The following SF3A1 variants were observed in gnomAD, a reference collection of about 807,000 sequenced individuals.
SF3A1 encodes splicing factor 3a subunit 1, also known as SAP 114.
Under a neutral mutation model 89.9 loss-of-function variants are expected in SF3A1, and 13 were observed. That is an observed-to-expected ratio of 0.14 (90% CI 0.09 to 0.23). The LOEUF is 0.23. Among genes scored for constraint, SF3A1 ranks in the 10% least tolerant of loss-of-function variants. The pLI is 1.00. For missense variants in SF3A1, 604 were observed against 1,022.1 expected (o/e 0.59, Z 5.58); for synonymous variants, 405 against 374.4 (o/e 1.08, Z -0.94).
intron 3 of SF3A1, 144 bp downstream of exon 3, chr22:30,346,168 T>G: frequency 1.5e-6 from 1 of 659,174 alleles, no homozygotes; most frequent in South Asian, 1.8e-5. Context: ...TGTCTGGGCC[T>G]CGGTCTGCCT....
rs76936529 is a variant in SF3A1, at chr22:30,334,552, G to A, written c.*42C>T. 6,427 of 1,348,626 alleles carry A rather than the reference G, an allele frequency of 4.8e-3. 47 individuals are homozygous for A. The highest frequency in any genetic ancestry group is 4.8e-3 in the Non-Finnish European group (4,719 of 982,168). 83.5% of individuals were successfully genotyped at this position (1,348,626 alleles called of 1,614,324 possible). A position where few individuals can be genotyped will look rare whatever the true frequency, so the allele number is the denominator to read the frequency against. ...GTCTGGGGCAGGGGGTGGGAGACAG[G>A]AGAGGCAAAATGGCAGGGACTTGAC... On this transcript the variant is annotated 3_prime_UTR_variant, in exon 16 of 16. Transcript: ENST00000215793.
intron 7 of SF3A1, among the ~76,000 whole-genome samples, chr22:30,341,084 C>T (rs1931235955): frequency 1.4e-5 from 2 of 142,108 alleles, no homozygotes; most frequent in Non-Finnish European, 3.0e-5. Context: ...GGGCACTTAA[C>T]ATGCCGGGGG....
At position 30,341,679 on chromosome 22, in the gene SF3A1, C is replaced by T. The variant is rs145944400; in HGVS notation, c.1071+13G>A. On this transcript the variant is annotated intron_variant, in intron 7 of 15. Transcript: ENST00000215793. The stretch of plus-strand genomic sequence containing the variant: ...GGGAAAAGGTCATCCTGCAGGCCTG[C>T]CCAGCAGCTTACCTCATCCATATCT... The T allele has an allele frequency of 4.6e-3, 7,470 of 1,610,110 alleles. 30 individuals carry two copies. Among genetic ancestry groups the T allele is most frequent in the Non-Finnish European group, 5.9e-3 (6,923 of 1,177,292 alleles).
At chr22:30,350,734 T>C (rs954107703) in intron 2 of SF3A1, among the ~76,000 whole-genome samples, 2 of 152,218 alleles carry the variant, frequency 1.3e-5, no homozygotes, top group Non-Finnish European at 2.9e-5. Context: ...TGGTAGACAC[T>C]ACTCTGGTAA....
In SF3A1 at chr22:30,341,731, G is replaced by A. The variant is rs949455825; in HGVS notation, c.1032C>T (p.Ser344=). Residue 344 remains serine, a synonymous_variant, in exon 7 of 16, where the codon TCC becomes TCT. Transcript: ENST00000215793. ...DKQEKAEEPP[S]QLDQDTQVQD... is the part of the protein sequence containing the mutation. ...GTACTTGGGTGTCCTGGTCCAGCTG[G>A]GAAGGAGGCTCCTCCGCCTTCTCCT... 3.1e-6 allele frequency: 5 copies of A among 1,613,910 alleles called. No homozygotes were observed. In the South Asian group the frequency reaches 4.4e-5, roughly 14 times the overall value.
At position 30,337,671 on chromosome 22, in the gene SF3A1, T is replaced by C; in HGVS notation, c.1951+19A>G. On this transcript the variant is annotated intron_variant, in intron 12 of 15. Transcript: ENST00000215793. Reference sequence around the variant, plus strand: ...GTCCCTGAACTAATGGCCTGGAAAATGATGCAAGAGATACTGACCTGTTGG... The same window carrying C: ...GTCCCTGAACTAATGGCCTGGAAAACGATGCAAGAGATACTGACCTGTTGG... 1 of 917,298 alleles carries C rather than the reference T, an allele frequency of 1.1e-6. No homozygotes were observed. Among genetic ancestry groups the C allele is most frequent in the Non-Finnish European group, 1.6e-6 (1 of 634,742 alleles). The allele number at this position is 917,298 out of a possible 1,614,324, so 56.8% of individuals were successfully genotyped here.
intron 3 of SF3A1, 41 bp from the exon 4 acceptor site, chr22:30,345,231 G>A (rs776793273): frequency 1.3e-6 from 2 of 1,583,338 alleles, no homozygotes. Flanking sequence ...GCACAGGGGT[G>A]AACAGGCTCC....
intron 15 of SF3A1, 69 bp downstream of exon 15, chr22:30,335,396 GAC>G: frequency 1.5e-6 from 2 of 1,312,254 alleles, no homozygotes; most frequent in South Asian, 2.4e-5. Flanking sequence ...TAGCTTCCAT[GAC>G]AGATTTAGCT....
At position 30,344,886 on chromosome 22, in the gene SF3A1, T is replaced by G. The variant is rs750600816; in HGVS notation, c.651+47A>C. The G allele has an allele frequency of 1.9e-6, 3 of 1,594,220 alleles. No homozygotes were observed. The South Asian group carries it at 3.3e-5, about 18-fold the overall frequency. On this transcript the variant is annotated intron_variant, in intron 4 of 15. Transcript: ENST00000215793. ...ACACAGTGCTTCCAAGCATAAGATG[T>G]TTTCCTTTCCTGGGCCCAGGACCCC...
Position 30,338,880 on chromosome 22 carries a change from T to A in SF3A1, c.1652A>T (p.Asn551Ile). ...TKEKIGPSKPNEIPQQPPPPS... is the reference protein window; with the variant it reads ...TKEKIGPSKPIEIPQQPPPPS... ...TGGCGGTGGCTGTTGAGGGATTTCA[T>A]TGGGCTTGCTGGGGCCAATCTTCTC... The change falls in exon 11 of 16, where the codon AAT (asparagine) becomes ATT (isoleucine). Residue 551 changes from asparagine (N) to isoleucine (I), a missense_variant. By Grantham distance (149) the Asn-to-Ile change is moderately radical. Coordinates refer to ENST00000215793, the MANE Select transcript of SF3A1 (RefSeq NM_005877.6). The A allele has an allele frequency of 6.2e-7, 1 of 1,614,186 alleles. No individual in the cohort carries two copies. Among genetic ancestry groups the A allele is most frequent in the Non-Finnish European group, 8.5e-7 (1 of 1,180,028 alleles).
chr22:30,340,946 C>T (rs910835989), intron 7 of SF3A1, 134 bp from the exon 8 acceptor site: 39 of 621,324 alleles, frequency 6.3e-5, no homozygotes, highest in South Asian at 9.4e-5. Context: ...CCTCCCAGGG[C>T]AGCTGAGGCC....
At position 30,332,131 on chromosome 22, in the gene SF3A1, T is replaced by G. The variant is rs182927015; in HGVS notation, c.*2463A>C. 8.1e-4 allele frequency: 123 copies of G among 152,382 alleles called. No individual in the cohort carries two copies. The highest frequency in any genetic ancestry group is 2.9e-3 in the African/African-American group (120 of 41,590). The allele number at this position is 152,382 out of a possible 1,614,324, so 9.4% of individuals were successfully genotyped here. ...ATGAAATATGATTGCTAATAGTACA[T>G]GTATTTCCATTCAAGTATATATCCT... is the stretch of plus-strand genomic sequence containing the variant. On this transcript the variant is annotated 3_prime_UTR_variant, in exon 16 of 16. Coordinates refer to ENST00000215793, the MANE Select transcript of SF3A1 (RefSeq NM_005877.6).
At chr22:30,338,642 C>G (rs963543593) in intron 11 of SF3A1, 147 bp downstream of exon 11, 4 of 986,010 alleles carry the variant, frequency 4.1e-6, no homozygotes, top group Non-Finnish European at 6.0e-6. Context: ...GAGGTTCCCA[C>G]TTGCATTTAA....
At chr22:30,334,858 A>G (rs1931019511) in intron 15 of SF3A1, among the ~76,000 whole-genome samples, 163 bp from the exon 16 acceptor site, 1 of 152,124 alleles carries the variant, frequency 6.6e-6, no homozygotes, top group Non-Finnish European at 1.5e-5. Context: ...CATTCCTCCC[A>G]CTGTTTCCTT....
At chr22:30,345,241 C>CAGGGG (rs3067186) in intron 3 of SF3A1, 51 bp from the exon 4 acceptor site, 4 of 1,524,390 alleles carry the variant, frequency 2.6e-6, no homozygotes, top group South Asian at 2.4e-5. Context: ...GAACAGGCTC[C>CAGGGG]AGGGGAGGGG....
At chr22:30,342,645 T>C (rs933679292) in intron 5 of SF3A1, 160 bp downstream of exon 5, 5 of 637,170 alleles carry the variant, frequency 7.8e-6, no homozygotes, top group African/African-American at 7.3e-5. Flanking sequence ...TTGGGAAGCA[T>C]CCGGACTCCA....
chr22:30,349,430 GCCA>G (rs1931518894), intron 2 of SF3A1, among the ~76,000 whole-genome samples: 1 of 152,084 alleles, frequency 6.6e-6, no homozygotes, highest in African/African-American at 2.4e-5. Flanking sequence ...ACAGGCGCCC[GCCA>G]CCACACCTGG....
intron 4 of SF3A1, 145 bp downstream of exon 4, chr22:30,344,788 A>G: frequency 1.1e-6 from 1 of 919,158 alleles, no homozygotes; most frequent in Non-Finnish European, 1.7e-6. Flanking sequence ...TCAAGGTTTT[A>G]CATTAAACTG....
intron 7 of SF3A1, among the ~76,000 whole-genome samples, chr22:30,341,130 G>A (rs990359207): frequency 6.6e-6 from 1 of 152,166 alleles, no homozygotes; most frequent in Non-Finnish European, 1.5e-5. Context: ...TGGGGGCGGC[G>A]AGTCGCCAAT....
Sources: allele counts gnomAD v4.1 joint callset (sites outside exome capture counted in the v4.1 genomes callset), GRCh38; gene constraint gnomAD v4.1.1; transcripts MANE v1.5; gene names NCBI Gene and HGNC (gene_info 2026-07-23, HGNC 2026-07-21).